The following CADM2 variants were observed in gnomAD, a reference collection of about 807,000 sequenced individuals.
CADM2 encodes immunoglobulin superfamily member 4D.
A neutral mutation model predicts 49.8 loss-of-function variants in CADM2; 12 were observed. That is an observed-to-expected ratio of 0.24 (90% CI 0.15 to 0.39). The LOEUF is 0.39. CADM2 is among the 10% of genes least tolerant of loss of function. CADM2 has a pLI of 1.00. For missense variants in CADM2, 378 were observed against 492.3 expected, an observed-to-expected ratio of 0.77 and a Z score of 2.20; for synonymous variants, 214 against 175.4, an observed-to-expected ratio of 1.22 and a Z score of -1.74.
intron 1 of CADM2, among the ~76,000 whole-genome samples, chr3:85,362,530 T>C (rs2032434609): frequency 6.6e-6 from 1 of 152,198 alleles, no homozygotes; most frequent in Admixed American, 6.5e-5. Context: ...ACTCTTTTCA[T>C]TAAAGTGACA....
intron 1 of CADM2, among the ~76,000 whole-genome samples, chr3:85,087,872 A>G (rs572878044): frequency 1.3e-5 from 2 of 152,282 alleles, no homozygotes; most frequent in East Asian, 3.9e-4. Flanking sequence ...AGTTTTTTCC[A>G]AAGTTCCCTT....
intron 2 of CADM2, among the ~76,000 whole-genome samples, chr3:85,787,360 G>A (rs780085552): frequency 6.6e-6 from 1 of 152,046 alleles, no homozygotes; most frequent in Non-Finnish European, 1.5e-5. Context: ...GGATTTAATG[G>A]ATTCTTTAAT....
At chr3:85,475,577 G>T (rs2038943783) in intron 1 of CADM2, among the ~76,000 whole-genome samples, 1 of 151,650 alleles carries the variant, frequency 6.6e-6, no homozygotes, top group African/African-American at 2.4e-5. Flanking sequence ...TACTTATCAT[G>T]TGTCTGAAAT....
At chr3:85,788,578 C>T (rs755973706) in intron 2 of CADM2, among the ~76,000 whole-genome samples, 1 of 151,818 alleles carries the variant, frequency 6.6e-6, no homozygotes, top group Non-Finnish European at 1.5e-5. Flanking sequence ...ATGCATATAA[C>T]AGGTGCAATC....
At chr3:85,096,420 A>G (rs2037797351) in intron 1 of CADM2, among the ~76,000 whole-genome samples, 1 of 151,654 alleles carries the variant, frequency 6.6e-6, no homozygotes, top group Non-Finnish European at 1.5e-5. Flanking sequence ...AGTCAATGTG[A>G]CTTGTTTGAT....
intron 1 of CADM2, among the ~76,000 whole-genome samples, chr3:85,311,475 A>G (rs1181402331): frequency 6.6e-6 from 1 of 151,612 alleles, no homozygotes; most frequent in East Asian, 1.9e-4. Flanking sequence ...TCCCGGGTTC[A>G]TGCCATTCTC....
chr3:84,968,457 C>A (rs2107075731), intron 1 of CADM2, among the ~76,000 whole-genome samples: 1 of 152,118 alleles, frequency 6.6e-6, no homozygotes, highest in African/African-American at 2.4e-5. Flanking sequence ...GCTGTAAGTT[C>A]ACTGTCATGT....
At chr3:85,914,024 T>A (rs1176645891) in intron 6 of CADM2, among the ~76,000 whole-genome samples, 1 of 152,150 alleles carries the variant, frequency 6.6e-6, no homozygotes, top group Non-Finnish European at 1.5e-5. Context: ...CCAGGTGAAC[T>A]AGAATTTTTT....
intron 8 of CADM2, among the ~76,000 whole-genome samples, chr3:86,042,036 C>T (rs1736010045): frequency 6.6e-6 from 1 of 152,098 alleles, no homozygotes; most frequent in African/African-American, 2.4e-5. Flanking sequence ...CCAAGGAGAA[C>T]AAAGACACAA....
intron 1 of CADM2, among the ~76,000 whole-genome samples, chr3:85,303,901 A>G (rs2044157321): frequency 6.6e-6 from 1 of 151,904 alleles, no homozygotes; most frequent in East Asian, 1.9e-4. Context: ...AAATAAAAGC[A>G]ATTATGTCAA....
At chr3:85,439,468 G>T (rs1247597606) in intron 1 of CADM2, among the ~76,000 whole-genome samples, 3 of 151,976 alleles carry the variant, frequency 2.0e-5, no homozygotes, top group Non-Finnish European at 2.9e-5. Context: ...CTTGATTTTT[G>T]ACTGAAACTG....
Position 84,959,001 on chromosome 3 carries a change from CCGT to C in CADM2, c.-604_-602del. 2 of 202,480 alleles carry C rather than the reference CCGT, an allele frequency of 9.9e-6. No individual in the cohort carries two copies. The highest frequency in any genetic ancestry group is 1.3e-4 in the South Asian group (2 of 14,884). The allele number at this position is 202,480 out of a possible 1,614,324, so 12.5% of individuals were successfully genotyped here. A position where few individuals can be genotyped will look rare whatever the true frequency, so the allele number is the denominator to read the frequency against. On this transcript the variant is annotated 5_prime_UTR_variant, in exon 1 of 10. Transcript: ENST00000383699. The stretch of plus-strand genomic sequence containing the variant: ...TGTCTGGTGCTTCGTAGAGCTGCCG[CCGT>C]CGCCGCTGCCGCTGCCGCCACAGCC...
intron 7 of CADM2, among the ~76,000 whole-genome samples, chr3:85,954,790 A>T (rs927645872): frequency 1.3e-5 from 2 of 151,242 alleles, no homozygotes; most frequent in Non-Finnish European, 3.0e-5. Flanking sequence ...AAATATGATA[A>T]CATAAATATT....
At chr3:85,577,283 T>A (rs1298370150) in intron 1 of CADM2, among the ~76,000 whole-genome samples, 1 of 152,144 alleles carries the variant, frequency 6.6e-6, no homozygotes, top group African/African-American at 2.4e-5. Flanking sequence ...ATAACGGGGT[T>A]GAAAATGGGG....
intron 8 of CADM2, among the ~76,000 whole-genome samples, chr3:86,025,964 T>A (rs1050746911): frequency 1.3e-5 from 2 of 152,070 alleles, no homozygotes; most frequent in Admixed American, 6.6e-5. Flanking sequence ...CAAAAGAGAA[T>A]AATTGGCTCT....
intron 3 of CADM2, among the ~76,000 whole-genome samples, chr3:85,828,259 G>A (rs1249801569): frequency 6.6e-6 from 1 of 151,934 alleles, no homozygotes; most frequent in African/African-American, 2.4e-5. Flanking sequence ...CACGGGTAAA[G>A]CAGTTGTAAT....
chr3:85,404,175 G>T (rs1437897407), intron 1 of CADM2, among the ~76,000 whole-genome samples: 1 of 151,960 alleles, frequency 6.6e-6, no homozygotes. Flanking sequence ...GTTAGAATTT[G>T]GAAAGATTAA....
At chr3:85,993,126 G>A (rs1181277714) in intron 8 of CADM2, 1 of 152,090 alleles carries the variant, frequency 6.6e-6, no homozygotes, top group Non-Finnish European at 1.5e-5. Flanking sequence ...ATTGCTTGAG[G>A]CCAGGAGTTC....
intron 1 of CADM2, among the ~76,000 whole-genome samples, chr3:85,176,605 A>C (rs2040793514): frequency 6.6e-6 from 1 of 152,188 alleles, no homozygotes; most frequent in African/African-American, 2.4e-5. Context: ...GCATTGCTAA[A>C]TGATGGATCA....
Sources: allele counts gnomAD v4.1 joint callset (sites outside exome capture counted in the v4.1 genomes callset), GRCh38; gene constraint gnomAD v4.1.1; transcripts MANE v1.5; gene names NCBI Gene and HGNC (gene_info 2026-07-23, HGNC 2026-07-21).